Variants in ERBB4 observed in about 807,000 individuals in gnomAD.
The protein encoded by ERBB4 is erb-b2 receptor tyrosine kinase 4.
Under a neutral mutation model 158.0 loss-of-function variants are expected in ERBB4, and 42 were observed. The observed-to-expected ratio is 0.27, with a 90% CI of 0.21 to 0.34. ERBB4 has a LOEUF of 0.34. Among genes scored for constraint, ERBB4 ranks in the 10% least tolerant of loss-of-function variants. ERBB4 has a pLI of 1.00. For missense variants in ERBB4, 1,333 were observed against 1,624.1 expected (o/e 0.82, Z 3.08); for synonymous variants, 583 against 558.7 (o/e 1.04, Z -0.61).
At chr2:211,531,134 C>T (rs1485185271) in intron 20 of ERBB4, among the ~76,000 whole-genome samples, 1 of 152,068 alleles carries the variant, frequency 6.6e-6, no homozygotes, top group Non-Finnish European at 1.5e-5. Flanking sequence ...AAACTAGACC[C>T]TATCTCTTAC....
chr2:212,160,320 T>C (rs1180787291), intron 1 of ERBB4, among the ~76,000 whole-genome samples: 1 of 151,930 alleles, frequency 6.6e-6, no homozygotes, highest in Non-Finnish European at 1.5e-5. Flanking sequence ...AGGTGGCCAG[T>C]GCCTATTTAA....
chr2:212,232,248 T>C (rs981753540), intron 1 of ERBB4, among the ~76,000 whole-genome samples: 13 of 152,226 alleles, frequency 8.5e-5, no homozygotes, highest in Non-Finnish European at 1.6e-4. Context: ...TGTTTCATAA[T>C]GCTTAAATAT....
At chr2:212,508,268 G>A (rs1439098032) in intron 1 of ERBB4, among the ~76,000 whole-genome samples, 1 of 152,102 alleles carries the variant, frequency 6.6e-6, no homozygotes, top group African/African-American at 2.4e-5. Flanking sequence ...GTGATACTCA[G>A]CTTATTGTGG....
intron 3 of ERBB4, among the ~76,000 whole-genome samples, chr2:211,829,669 G>GA: frequency 6.6e-6 from 1 of 151,996 alleles, no homozygotes; most frequent in East Asian, 1.9e-4. Flanking sequence ...TTAAAAAAAT[G>GA]AAAAAAGAAT....
chr2:212,000,236 G>A (rs941941587), intron 2 of ERBB4, among the ~76,000 whole-genome samples: 1 of 151,756 alleles, frequency 6.6e-6, no homozygotes, highest in Non-Finnish European at 1.5e-5. Context: ...CTAATCCTCA[G>A]ATAATACAGC....
intron 2 of ERBB4, among the ~76,000 whole-genome samples, chr2:212,003,416 A>G (rs367935298): frequency 9.9e-5 from 15 of 152,064 alleles, no homozygotes; most frequent in African/African-American, 3.6e-4. Flanking sequence ...GGAGCAAGTA[A>G]ATAGAACAAC....
Position 212,272,752 on chromosome 2 carries a change from G to A in ERBB4, c.83-147849C>T, listed in dbSNP as rs147092120. On this transcript the variant is annotated intron_variant, in intron 1 of 27. Coordinates refer to ENST00000342788, the MANE Select transcript of ERBB4 (RefSeq NM_005235.3). ...TGAGATCAAATACTTTTTTCTTTGC[G>A]TAGAAAGATTCTACTGTTTTTTAAA... is the stretch of plus-strand genomic sequence containing the variant. Among the ~76,000 whole-genome samples the A allele has an allele frequency of 5.8e-3, 887 of 151,654 alleles. 13 individuals carry two copies. Among genetic ancestry groups the A allele is most frequent in the African/African-American group, 0.019 (782 of 41,424 alleles).
At chr2:212,119,443 G>A (rs894057814) in intron 2 of ERBB4, among the ~76,000 whole-genome samples, 1 of 152,116 alleles carries the variant, frequency 6.6e-6, no homozygotes, top group South Asian at 2.1e-4. Context: ...AATGACAAAG[G>A]AGAGAAAGCT....
chr2:211,599,710 T>C (rs1048932544), intron 19 of ERBB4, among the ~76,000 whole-genome samples: 11 of 152,170 alleles, frequency 7.2e-5, no homozygotes, highest in African/African-American at 2.4e-4. Context: ...ACAGTACTAC[T>C]GCCAAGCTCT....
In ERBB4 at chr2:211,896,256, TTC is replaced by T. The variant is rs1331275405; in HGVS notation, c.421+51172_421+51173del. On this transcript the variant is annotated intron_variant, in intron 3 of 27. Transcript: ENST00000342788. ...AACAAGTCCAAAATTAAACTCCTGATTCTCTCTCTGAATCACAGCTTCTGTAA... is the reference window on the plus strand; with the variant it reads ...AACAAGTCCAAAATTAAACTCCTGATTCTCTCTGAATCACAGCTTCTGTAA... Among the ~76,000 whole-genome samples, 7 of 152,188 alleles carry T rather than the reference TTC, an allele frequency of 4.6e-5. No homozygotes were observed. The East Asian group carries it at 1.2e-3, about 25-fold the overall frequency.
intron 2 of ERBB4, among the ~76,000 whole-genome samples, chr2:212,104,128 T>C (rs1239181708): frequency 6.6e-6 from 1 of 152,098 alleles, no homozygotes; most frequent in East Asian, 1.9e-4. Flanking sequence ...CCCAGTGTCA[T>C]GCTTCTCAGG....
chr2:211,725,303 A>T (rs1413532433), intron 5 of ERBB4, 109 bp from the exon 6 acceptor site: 3 of 836,916 alleles, frequency 3.6e-6, no homozygotes. Context: ...CAATTCAGCA[A>T]ACATTTAATG....
chr2:212,413,111 G>A (rs1416399236), intron 1 of ERBB4, among the ~76,000 whole-genome samples: 5 of 149,668 alleles, frequency 3.3e-5, no homozygotes, highest in Admixed American at 2.7e-4. Flanking sequence ...GGGATTACAG[G>A]CACACACCAC....
At chr2:211,861,024 A>ATT (rs1258476752) in intron 3 of ERBB4, among the ~76,000 whole-genome samples, 5 of 5,600 alleles carry the variant, frequency 8.9e-4, no homozygotes, top group African/African-American at 4.5e-3. Context: ...ATTTATATAT[A>ATT]TATAAATATA....
At chr2:211,887,109 T>C (rs763082993) in intron 3 of ERBB4, among the ~76,000 whole-genome samples, 1 of 152,208 alleles carries the variant, frequency 6.6e-6, no homozygotes, top group African/African-American at 2.4e-5. Context: ...CCAACTCTCA[T>C]TGTTTTATTC....
chr2:212,332,772 C>T (rs2088240763), intron 1 of ERBB4, among the ~76,000 whole-genome samples: 1 of 151,864 alleles, frequency 6.6e-6, no homozygotes, highest in African/African-American at 2.4e-5. Flanking sequence ...TTAAAGTTTA[C>T]AAGAATTGGG....
chr2:212,168,576 A>C (rs1402766), intron 1 of ERBB4, among the ~76,000 whole-genome samples: 91,967 of 151,950 alleles, frequency 0.61, 28,905 homozygotes, highest in African/African-American at 0.67. Flanking sequence ...ATATATCAGC[A>C]AATTAGGATA....
intron 20 of ERBB4, among the ~76,000 whole-genome samples, chr2:211,479,983 A>T (rs1304374153): frequency 1.3e-5 from 2 of 152,182 alleles, no homozygotes; most frequent in Non-Finnish European, 1.5e-5. Flanking sequence ...GAAATGCAGA[A>T]CAAGGTTGTA....
At chr2:211,558,641 T>C (rs1324378408) in intron 20 of ERBB4, among the ~76,000 whole-genome samples, 1 of 151,852 alleles carries the variant, frequency 6.6e-6, no homozygotes, top group Admixed American at 6.6e-5. Flanking sequence ...CTATATACAA[T>C]GAGAAACAAG....
Sources: gnomAD v4.1 joint callset for allele counts (sites outside exome capture counted in the v4.1 genomes callset) on GRCh38, gnomAD v4.1.1 for gene constraint, MANE v1.5 for transcripts, NCBI Gene and HGNC (gene_info 2026-07-23, HGNC 2026-07-21) for gene names.